The following ADGRD1 variants were observed in gnomAD, a reference collection of about 807,000 sequenced individuals.
The protein encoded by ADGRD1 is adhesion G protein-coupled receptor D1, also known as G-protein coupled receptor 133.
ADGRD1 carries 77 observed loss-of-function variants against 113.4 expected under a neutral mutation model. The ratio of observed to expected loss-of-function variants is 0.68; its 90% CI spans 0.57 to 0.82. The LOEUF is 0.82. ADGRD1 is among the 40% of genes least tolerant of loss of function. ADGRD1 has a pLI of 0.00. For missense variants in ADGRD1, 1,036 were observed against 1,139.1 expected, an observed-to-expected ratio of 0.91 and a Z score of 1.30; for synonymous variants, 474 against 475.0, an observed-to-expected ratio of 1.00 and a Z score of 0.03.
chr12:131,118,330 GA>G, intron 18 of ADGRD1, 54 bp from the exon 19 acceptor site: 2 of 1,293,294 alleles, frequency 1.5e-6, no homozygotes, highest in Non-Finnish European at 2.2e-6. Context: ...GGGGAGGCGG[GA>G]GGGAGGGAAG....
rs73473278 is a variant in ADGRD1 at position 131,004,244 on chromosome 12, G to A, written c.1203G>A (p.Pro401=). ...KTVNSSHYRF[P]AHGQSFIQIP... ...TGAATTCCTCCCATTACCGCTTCCC[G>A]GCCCACGGGCAGAGCTTCATCCAGA... The change falls in exon 11 of 25, where the codon CCG becomes CCA. Residue 401 remains proline, a synonymous_variant. Transcript: ENST00000261654. 1.5e-3 allele frequency: 2,442 copies of A among 1,613,834 alleles called. 25 individuals carry two copies. The African/African-American group carries it at 0.028, about 19-fold the overall frequency.
chr12:131,108,911 G>T (rs762834410), intron 18 of ADGRD1, 34 bp downstream of exon 18: 2 of 1,330,094 alleles, frequency 1.5e-6, no homozygotes, highest in South Asian at 1.3e-5. Context: ...ATGGCGGGGC[G>T]GGAGGGACAG....
chr12:131,104,786 G>T, intron 15 of ADGRD1, 45 bp from the exon 16 acceptor site: 2 of 1,366,706 alleles, frequency 1.5e-6, no homozygotes, highest in Non-Finnish European at 2.0e-6. Context: ...GGCTCCGATG[G>T]GGTGCCTGGG....
chr12:131,083,984 A>G (rs1362806138), intron 14 of ADGRD1, among the ~76,000 whole-genome samples: 1 of 152,128 alleles, frequency 6.6e-6, no homozygotes, highest in Admixed American at 6.5e-5. Flanking sequence ...CGTCGTGGTT[A>G]GTCACTGTAC....
At chr12:131,034,953 A>G (rs116817579) in intron 13 of ADGRD1, among the ~76,000 whole-genome samples, 2,606 of 152,156 alleles carry the variant, frequency 0.017, 74 homozygotes, top group African/African-American at 0.059. Flanking sequence ...TCCCCTCCAC[A>G]GCAGGACGAG....
At chr12:130,969,122 G>A (rs549387926) in intron 3 of ADGRD1, 44 of 1,089,682 alleles carry the variant, frequency 4.0e-5, no homozygotes, top group Middle Eastern at 1.9e-4. Context: ...TTGGATCTAC[G>A]ATGAATTCTA....
chr12:130,981,741 T>G, intron 4 of ADGRD1, 143 bp from the exon 5 acceptor site: 1 of 594,454 alleles, frequency 1.7e-6, no homozygotes, highest in Non-Finnish European at 3.0e-6. Context: ...ACTGTCTGGA[T>G]TTTCTGAACT....
chr12:131,113,215 G>GTAAACCCT lies in ADGRD1; in HGVS notation c.2041+4341_2041+4348dup, dbSNP rs1950383296. On this transcript the variant is annotated intron_variant, in intron 18 of 24. Coordinates refer to ENST00000261654, the MANE Select transcript of ADGRD1 (RefSeq NM_198827.5). This position sits in a 1 kb window ranked among gnomAD's most constrained non-coding sequence, Gnocchi z 4.9. ...TTGAGCCAGTTTTTCTCAATTTGCT[G>GTAAACCCT]TAAACCCTTAGGAAAATGTACAGAG... 6.6e-6 allele frequency among the ~76,000 whole-genome samples: 1 copy of GTAAACCCT among 152,154 alleles called. No individual in the cohort carries two copies. The highest frequency in any genetic ancestry group is 1.5e-5 in the Non-Finnish European group (1 of 68,014).
At chr12:131,090,705 T>C (rs1675861038) in intron 15 of ADGRD1, among the ~76,000 whole-genome samples, 1 of 152,224 alleles carries the variant, frequency 6.6e-6, no homozygotes, top group South Asian at 2.1e-4. Flanking sequence ...TGAGGAGCCA[T>C]GTCAAGGCAT....
chr12:131,065,744 G>GA (rs1475556240), intron 13 of ADGRD1, among the ~76,000 whole-genome samples: 1 of 151,876 alleles, frequency 6.6e-6, no homozygotes, highest in Non-Finnish European at 1.5e-5. Flanking sequence ...GCATGAAGGA[G>GA]AGGGGGTATT....
rs575199532 is a variant in ADGRD1 at position 131,111,451 on chromosome 12, G to T, written c.2041+2574G>T. Among the ~76,000 whole-genome samples, 20 of 151,908 alleles carry T rather than the reference G, an allele frequency of 1.3e-4. No individual in the cohort carries two copies. In the East Asian group the frequency reaches 3.9e-3, roughly 29 times the overall value. Reference sequence around the variant, plus strand: ...TAGATTAATTCTCTTTATCAAATTTGGGAACATTTCAGCCATTATTTATTG... The same window carrying T: ...TAGATTAATTCTCTTTATCAAATTTTGGAACATTTCAGCCATTATTTATTG... On this transcript the variant is annotated intron_variant, in intron 18 of 24. Transcript: ENST00000261654.
At chr12:130,964,725 TA>T (rs1158614778) in intron 2 of ADGRD1, among the ~76,000 whole-genome samples, 3 of 152,172 alleles carry the variant, frequency 2.0e-5, no homozygotes, top group African/African-American at 7.2e-5. Context: ...AGACCCTCTT[TA>T]TCACAAACTG....
At chr12:130,958,462 AGTGCT>A (rs1869945159) in intron 2 of ADGRD1, among the ~76,000 whole-genome samples, 1 of 152,064 alleles carries the variant, frequency 6.6e-6, no homozygotes, top group Non-Finnish European at 1.5e-5. Context: ...GGCCTCCCAA[AGTGCT>A]GGGATTACAG....
intron 18 of ADGRD1, among the ~76,000 whole-genome samples, chr12:131,112,401 G>A (rs1238162562): frequency 2.6e-5 from 4 of 152,158 alleles, no homozygotes; most frequent in African/African-American, 9.7e-5. Context: ...ATTAAATCCA[G>A]GCCCCTTCGT....
rs922312183 is a variant in ADGRD1 at position 131,075,194 on chromosome 12, A to C, written c.1474-1607A>C. 3.9e-5 allele frequency among the ~76,000 whole-genome samples: 6 copies of C among 152,164 alleles called. No individual in the cohort carries two copies. The highest frequency in any genetic ancestry group is 3.3e-4 in the Admixed American group (5 of 15,282). ...ACACACAAATACGCCTCCTTGTTAA[A>C]AAATTACATATAACGCTGTCTGCTG... On this transcript the variant is annotated intron_variant, in intron 13 of 24. Coordinates refer to ENST00000261654, the MANE Select transcript of ADGRD1 (RefSeq NM_198827.5). The surrounding 1 kb of genome is among the most constrained non-coding windows in gnomAD (Gnocchi z 5.3).
At position 130,954,456 on chromosome 12, in the gene ADGRD1, CGAGA is replaced by C; in HGVS notation, c.-6_-3del. On this transcript the variant is annotated 5_prime_UTR_variant, in exon 1 of 25. Transcript: ENST00000261654. The surrounding 1 kb of genome is among the most constrained non-coding windows in gnomAD (Gnocchi z 4.7). ...TCACTTGGCTCCGAGCTTTGACCTC[CGAGA>C]GAGCCATGGAAAAGCTGCTGCGGCT... 6.5e-7 allele frequency: 1 copy of C among 1,540,562 alleles called. No homozygotes were observed. Among genetic ancestry groups the C allele is most frequent in the Non-Finnish European group, 8.7e-7 (1 of 1,144,644 alleles).
chr12:131,015,306 ATGGAGATGGAGAGGGGAC>A (rs1319274891), intron 13 of ADGRD1, among the ~76,000 whole-genome samples: 7 of 152,330 alleles, frequency 4.6e-5, no homozygotes, highest in Non-Finnish European at 5.9e-5. Context: ...GGAGTGGAAG[ATGGAGATGGAGAGGGGAC>A]TGGAGATGGA....
chr12:131,087,806 G>A (rs1255890559), intron 15 of ADGRD1, among the ~76,000 whole-genome samples: 1 of 152,196 alleles, frequency 6.6e-6, no homozygotes, highest in Non-Finnish European at 1.5e-5. Flanking sequence ...TGGGCCCTTC[G>A]CGGCTGGGGA....
chr12:131,118,052 T>G (rs1950509593), intron 18 of ADGRD1, among the ~76,000 whole-genome samples: 1 of 152,208 alleles, frequency 6.6e-6, no homozygotes, highest in Admixed American at 6.5e-5. Flanking sequence ...GAACCACAGG[T>G]CTAGATAGAC....
Sources: allele counts gnomAD v4.1 joint callset (sites outside exome capture counted in the v4.1 genomes callset), GRCh38; gene constraint gnomAD v4.1.1; non-coding constraint Gnocchi (gnomAD v3.1); transcripts MANE v1.5; gene names NCBI Gene and HGNC (gene_info 2026-07-23, HGNC 2026-07-21).